The following RCL1 variants were observed in gnomAD, a reference collection of about 807,000 sequenced individuals.
RCL1 encodes the protein RNA terminal phosphate cyclase like 1.
RCL1 carries 24 observed loss-of-function variants against 42.4 expected under a neutral mutation model. The observed-to-expected ratio is 0.57, with a 90% CI of 0.41 to 0.80. RCL1 has a LOEUF of 0.80. Among genes scored for constraint, RCL1 ranks in the 30% least tolerant of loss-of-function variants. RCL1 has a pLI of 0.00. For synonymous variants in RCL1, 228 were observed against 177.3 expected (o/e 1.29, Z -2.27); for missense variants, 578 against 467.9 (o/e 1.24, Z -2.17).
chr9:4,821,906 C>G (rs1414835295), intron 1 of RCL1, among the ~76,000 whole-genome samples: 1 of 152,202 alleles, frequency 6.6e-6, no homozygotes, highest in Non-Finnish European at 1.5e-5. Context: ...GGTCCCATCT[C>G]TTAATATAGT....
intron 3 of RCL1, among the ~76,000 whole-genome samples, chr9:4,827,763 T>C (rs199997829): frequency 0.041 from 6,035 of 146,196 alleles, 138 homozygotes; most frequent in East Asian, 0.085. Flanking sequence ...TGTGCACGCG[T>C]GTGTGTGTGT....
intron 1 of RCL1, among the ~76,000 whole-genome samples, chr9:4,807,046 CTTA>C (rs1212461455): frequency 6.6e-6 from 1 of 152,066 alleles, no homozygotes; most frequent in African/African-American, 2.4e-5. Flanking sequence ...ACAGTGTTTC[CTTA>C]TTATCCTTTT....
At chr9:4,818,138 C>G (rs904043517) in intron 1 of RCL1, among the ~76,000 whole-genome samples, 3 of 151,872 alleles carry the variant, frequency 2.0e-5, no homozygotes, top group African/African-American at 7.3e-5. Flanking sequence ...CCAGGCTGGT[C>G]TTGAACTCCT....
At chr9:4,851,412 C>G (rs1289371275) in intron 8 of RCL1, among the ~76,000 whole-genome samples, 1 of 152,192 alleles carries the variant, frequency 6.6e-6, no homozygotes, top group Non-Finnish European at 1.5e-5. Flanking sequence ...GTAAGGGAGT[C>G]TATTTTCAAG....
At chr9:4,854,690 G>A (rs1212661258) in intron 8 of RCL1, among the ~76,000 whole-genome samples, 1 of 152,136 alleles carries the variant, frequency 6.6e-6, no homozygotes, top group African/African-American at 2.4e-5. Flanking sequence ...GGGATTCAAC[G>A]GACCCATGAC....
intron 5 of RCL1, among the ~76,000 whole-genome samples, chr9:4,838,836 A>G (rs915434703): frequency 1.3e-5 from 2 of 152,246 alleles, no homozygotes; most frequent in Non-Finnish European, 2.9e-5. Context: ...TCTTGAAAGA[A>G]TAAGAACCTC....
At chr9:4,823,426 T>A in intron 1 of RCL1, 122 bp from the exon 2 acceptor site, 2 of 674,792 alleles carry the variant, frequency 3.0e-6, no homozygotes, top group Non-Finnish European at 5.0e-6. Flanking sequence ...AGCCCAGGTG[T>A]GATGCAGGAA....
At chr9:4,804,864 C>T (rs1023031553) in intron 1 of RCL1, 6 of 153,238 alleles carry the variant, frequency 3.9e-5, no homozygotes, top group African/African-American at 1.2e-4. Context: ...AAAGCTACGC[C>T]AACTCAGCCG....
intron 1 of RCL1, chr9:4,804,574 G>A (rs1018823904): frequency 2.0e-5 from 3 of 152,602 alleles, no homozygotes; most frequent in Non-Finnish European, 2.9e-5. Context: ...CGCTGTTGAA[G>A]TCCTCCAGGT....
At chr9:4,806,723 G>C (rs1815988380) in intron 1 of RCL1, among the ~76,000 whole-genome samples, 1 of 147,028 alleles carries the variant, frequency 6.8e-6, no homozygotes, top group Non-Finnish European at 1.5e-5. Context: ...TTGCTCTGTA[G>C]TTTTTTTTTT....
intron 8 of RCL1, among the ~76,000 whole-genome samples, chr9:4,859,257 C>T (rs1280293637): frequency 6.6e-6 from 1 of 152,198 alleles, no homozygotes; most frequent in African/African-American, 2.4e-5. Context: ...TTACTGTGCA[C>T]ACTTCCCCGG....
Position 4,793,075 on chromosome 9 carries a change from C to T in RCL1, c.-17C>T, listed in dbSNP as rs371710097. On this transcript the variant is annotated 5_prime_UTR_variant, in exon 1 of 9. Transcript: ENST00000381750. The stretch of plus-strand genomic sequence containing the variant: ...CGCCGCTCTCGGGCTGCTCACGTCT[C>T]TTCGGAGAGCGCGCACATGGCGACT... 6 of 1,606,252 alleles carry T rather than the reference C, an allele frequency of 3.7e-6. No individual in the cohort carries two copies. The highest frequency in any genetic ancestry group is 1.1e-5 in the South Asian group (1 of 89,652).
At chr9:4,849,410 T>C in intron 7 of RCL1, 37 bp from the exon 8 acceptor site, 1 of 1,522,298 alleles carries the variant, frequency 6.6e-7, no homozygotes, top group Non-Finnish European at 9.1e-7. Context: ...TGGCTTTCCA[T>C]TTTCTGGTTT....
Position 4,801,469 on chromosome 9 carries a change from G to A in RCL1, c.136+8242G>A, listed in dbSNP as rs7033028. On this transcript the variant is annotated intron_variant, in intron 1 of 8. Coordinates refer to ENST00000381750, the MANE Select transcript of RCL1 (RefSeq NM_005772.5). ...CTAAGGTATTACAGGTGTGAACCAC[G>A]GTGCCTGGCCTCTACTGTTGCTTTT... Among the ~76,000 whole-genome samples, 44 of 152,090 alleles carry A rather than the reference G, an allele frequency of 2.9e-4. 1 individual carries two copies. The highest frequency in any genetic ancestry group is 7.0e-4 in the African/African-American group (29 of 41,394).
At chr9:4,854,378 C>G (rs958882651) in intron 8 of RCL1, among the ~76,000 whole-genome samples, 1 of 152,200 alleles carries the variant, frequency 6.6e-6, no homozygotes, top group African/African-American at 2.4e-5. Context: ...TATAGGGACT[C>G]CATTGAGCAG....
intron 3 of RCL1, among the ~76,000 whole-genome samples, chr9:4,827,718 C>T (rs1430467431): frequency 1.4e-5 from 2 of 145,624 alleles, no homozygotes; most frequent in African/African-American, 5.0e-5. Context: ...GTCTTAATGC[C>T]ATTCTAGGAT....
intron 3 of RCL1, among the ~76,000 whole-genome samples, chr9:4,832,311 T>C (rs1343029992): frequency 2.0e-5 from 3 of 152,100 alleles, no homozygotes; most frequent in African/African-American, 7.2e-5. Flanking sequence ...TCACCCCGAC[T>C]CCCCAACTCC....
At chr9:4,818,675 G>A (rs1221571499) in intron 1 of RCL1, among the ~76,000 whole-genome samples, 2 of 152,120 alleles carry the variant, frequency 1.3e-5, no homozygotes, top group African/African-American at 2.4e-5. Flanking sequence ...GAGGTCAGGA[G>A]ATCAAGACCA....
intron 1 of RCL1, among the ~76,000 whole-genome samples, chr9:4,795,606 C>T (rs1179912602): frequency 6.6e-6 from 1 of 152,152 alleles, no homozygotes; most frequent in Non-Finnish European, 1.5e-5. Flanking sequence ...TCATCTGTCC[C>T]TTTCTGACTT....
Sources: gnomAD v4.1 joint callset for allele counts (sites outside exome capture counted in the v4.1 genomes callset) on GRCh38, gnomAD v4.1.1 for gene constraint, MANE v1.5 for transcripts, NCBI Gene and HGNC (gene_info 2026-07-23, HGNC 2026-07-21) for gene names.